Variants in SNURF observed in about 807,000 individuals in gnomAD.
SNURF encodes SNRPN upstream open reading frame, also known as SNURF protein.
SNURF carries 6 observed loss-of-function variants against 11.6 expected under a neutral mutation model. The ratio of observed to expected loss-of-function variants is 0.52; its 90% CI spans 0.28 to 1.02. SNURF has a LOEUF of 1.02. Ranked by LOEUF, SNURF falls within the 50% of genes least tolerant of loss-of-function variation. The pLI is 0.09. For missense variants in SNURF, 84 were observed against 88.4 expected, an observed-to-expected ratio of 0.95 and a Z score of 0.20; for synonymous variants, 29 against 31.6, an observed-to-expected ratio of 0.92 and a Z score of 0.27.
At chr15:24,968,200 C>A in exon 3 of SNURF, 1 of 660,262 alleles carries the variant, frequency 1.5e-6, no homozygotes, top group Non-Finnish European at 2.6e-6. Flanking sequence ...ATACAATAAA[C>A]ACATTGCAGA....
At chr15:24,976,052 A>G (rs1452528248) in intron 4 of SNURF, among the ~76,000 whole-genome samples, 1 of 152,256 alleles carries the variant, frequency 6.6e-6, no homozygotes, top group Non-Finnish European at 1.5e-5. Context: ...ATTTCACAAA[A>G]GAAATTAGTC....
intron 1 of SNURF, among the ~76,000 whole-genome samples, chr15:24,958,045 G>T (rs2063203625): frequency 1.3e-5 from 2 of 152,050 alleles, no homozygotes; most frequent in Non-Finnish European, 2.9e-5. Flanking sequence ...CTAAGGCAGG[G>T]TACTAACTGA....
intron 1 of SNURF, among the ~76,000 whole-genome samples, chr15:24,957,393 CTT>C (rs2063107739): frequency 6.6e-6 from 1 of 152,112 alleles, no homozygotes; most frequent in African/African-American, 2.4e-5. Flanking sequence ...CAGTTACTGT[CTT>C]TTTTTGGATT....
At chr15:24,977,254 A>G (rs1450378867) in intron 6 of SNURF, among the ~76,000 whole-genome samples, 2 of 152,214 alleles carry the variant, frequency 1.3e-5, no homozygotes, top group Non-Finnish European at 2.9e-5. Context: ...GTAACTTGCC[A>G]CTAGTGGTGA....
At chr15:24,963,391 CG>C (rs1293946689) in intron 2 of SNURF, among the ~76,000 whole-genome samples, 2 of 151,902 alleles carry the variant, frequency 1.3e-5, no homozygotes, top group African/African-American at 4.8e-5. Flanking sequence ...CTAAGCCAGG[CG>C]GATCACAAGG....
downstream of SNURF, chr15:24,977,964 A>G (rs1459692825): frequency 2.0e-6 from 3 of 1,493,294 alleles, no homozygotes; most frequent in Non-Finnish European, 2.7e-6. Flanking sequence ...CTGATGAGAG[A>G]TAGCTTACTG....
chr15:24,959,714 A>G (rs1272099915), intron 1 of SNURF, among the ~76,000 whole-genome samples: 4 of 152,206 alleles, frequency 2.6e-5, no homozygotes, highest in African/African-American at 4.8e-5. Context: ...GATCAGTACT[A>G]AATTCCTTTT....
chr15:24,971,483 C>G (rs2153634291), downstream of SNURF, among the ~76,000 whole-genome samples: 1 of 152,004 alleles, frequency 6.6e-6, no homozygotes, highest in South Asian at 2.1e-4. Context: ...AGGTCAACTC[C>G]TATTGTGAGT....
At chr15:24,971,832 C>A (rs1441589855), downstream of SNURF, among the ~76,000 whole-genome samples, 1 of 152,198 alleles carries the variant, frequency 6.6e-6, no homozygotes, top group Non-Finnish European at 1.5e-5. Context: ...CAGAACTGTG[C>A]AATCATTGCC....
intron 3 of SNURF, chr15:24,974,837 G>T: frequency 1.5e-6 from 1 of 687,038 alleles, no homozygotes; most frequent in East Asian, 2.7e-5. Flanking sequence ...GGGATTACAG[G>T]CATGAGATGA....
chr15:24,977,717 CTG>C (rs2077225959), intron 6 of SNURF: 16 of 1,455,422 alleles, frequency 1.1e-5, no homozygotes, highest in Non-Finnish European at 1.4e-5. Context: ...CATTTATTTT[CTG>C]TGTTTGAATA....
exon 1 of SNURF, chr15:24,955,025 G>C: frequency 3.7e-6 from 6 of 1,612,860 alleles, no homozygotes; most frequent in Non-Finnish European, 5.1e-6. Flanking sequence ...TGACGCATCT[G>C]TCTGAGGAGC....
chr15:24,971,929 G>C (rs1383476224), downstream of SNURF, among the ~76,000 whole-genome samples: 1 of 152,092 alleles, frequency 6.6e-6, no homozygotes, highest in African/African-American at 2.4e-5. Flanking sequence ...TCTTTGGATG[G>C]CTGAAGGTCC....
intron 3 of SNURF, chr15:24,975,313 A>G (rs2076943481): frequency 1.3e-6 from 2 of 1,541,604 alleles, no homozygotes; most frequent in Non-Finnish European, 1.8e-6. Context: ...TTAGAAGACT[A>G]GGGTGTTGGC....
At chr15:24,977,552 C>A (rs1033217110) in intron 6 of SNURF, among the ~76,000 whole-genome samples, 3 of 152,012 alleles carry the variant, frequency 2.0e-5, no homozygotes, top group Non-Finnish European at 4.4e-5. Context: ...ACAGGAGAAT[C>A]GCTTGAACCC....
chr15:24,958,490 T>TTTG (rs2074213319), intron 1 of SNURF, among the ~76,000 whole-genome samples: 1 of 35,098 alleles, frequency 2.8e-5, no homozygotes, highest in Non-Finnish European at 5.1e-5. Context: ...CTCAAAGTTT[T>TTTG]TTTTTTTTTT....
At chr15:24,962,666 A>G (rs2075018688) in intron 2 of SNURF, among the ~76,000 whole-genome samples, 1 of 152,190 alleles carries the variant, frequency 6.6e-6, no homozygotes, top group Non-Finnish European at 1.5e-5. Flanking sequence ...TTAAGTATAT[A>G]TATGTGGAAT....
chr15:24,962,279 C>A, intron 2 of SNURF, 70 bp downstream of exon 2: 1 of 1,199,416 alleles, frequency 8.3e-7, no homozygotes, highest in Non-Finnish European at 1.2e-6. Context: ...AAATATCATG[C>A]AATGAGGGGA....
Position 24,977,447 on chromosome 15 carries a change from C to T in SNURF, c.*463-331C>T, listed in dbSNP as rs114283940. On this transcript the variant is annotated intron_variant and NMD_transcript_variant, in intron 6 of 6. Transcript: ENST00000580062. ...TGAGGTCAGGAGTTCGACACCAGCC[C>T]GGCCCACGTGGTGAAAACCCTATCT... 2.8e-3 allele frequency among the ~76,000 whole-genome samples: 423 copies of T among 152,098 alleles called. 1 individual carries two copies. Among genetic ancestry groups the T allele is most frequent in the African/African-American group, 9.7e-3 (402 of 41,500 alleles).
Sources: gnomAD v4.1 joint callset for allele counts (sites outside exome capture counted in the v4.1 genomes callset) on GRCh38, gnomAD v4.1.1 for gene constraint, MANE v1.5 for transcripts, NCBI Gene and HGNC (gene_info 2026-07-23, HGNC 2026-07-21) for gene names.